Variants in RAB9A observed in about 807,000 individuals in gnomAD.
The protein encoded by RAB9A is ras-related protein Rab-9A.
Under a neutral mutation model 10.3 loss-of-function variants are expected in RAB9A, and 1 was observed. That is an observed-to-expected ratio of 0.10 (90% confidence interval 0.03 to 0.46). The LOEUF (loss-of-function observed/expected upper bound fraction) is 0.46. RAB9A is among the 20% of genes least tolerant of loss of function. The pLI is 0.96. For missense variants in RAB9A, 92 were observed against 150.3 expected (o/e 0.61, Z 2.03); for synonymous variants, 39 against 55.2 (o/e 0.71, Z 1.30).
intron 1 of RAB9A, among the ~76,000 whole-genome samples, chrX:13,695,234 A>G (rs754524718): frequency 9.0e-6 from 1 of 111,496 alleles, no homozygotes; most frequent in Non-Finnish European, 1.9e-5. Flanking sequence ...CTCCCGGACC[A>G]TTTGCTTTCC....
chrX:13,689,452 G>A (rs2046110043), intron 1 of RAB9A, among the ~76,000 whole-genome samples, 164 bp downstream of exon 1: 1 of 112,133 alleles, frequency 8.9e-6, no homozygotes, highest in South Asian at 3.7e-4. Context: ...TTGTCTCCCT[G>A]CCTCCTCTCT....
intron 1 of RAB9A, among the ~76,000 whole-genome samples, chrX:13,690,067 T>C (rs2046113739): frequency 9.1e-6 from 1 of 110,087 alleles, no homozygotes; most frequent in Admixed American, 9.7e-5. Context: ...ACCACAATCT[T>C]TTCATAGGAT....
chrX:13,709,181 C>T lies in RAB9A; in HGVS notation c.435C>T (p.Asn145=), dbSNP rs201466174. The part of the protein sequence containing the change: ...TEEAQAWCRD[N]GDYPYFETSA... ...AAGCCCAAGCTTGGTGCAGGGACAA[C>T]GGCGACTATCCTTATTTTGAAACAA... The change falls in exon 3 of 3, where the codon AAC becomes AAT. Residue 145 remains asparagine, a synonymous_variant. Coordinates refer to ENST00000464506, the MANE Select transcript of RAB9A (RefSeq NM_004251.5). The T allele has an allele frequency of 4.7e-4, 574 of 1,209,921 alleles. No individual in the cohort carries two copies. The highest frequency in any genetic ancestry group is 6.1e-4 in the Non-Finnish European group (545 of 895,215).
chrX:13,693,319 A>G (rs1326106952), intron 1 of RAB9A, among the ~76,000 whole-genome samples: 2 of 112,561 alleles, frequency 1.8e-5, no homozygotes, highest in African/African-American at 3.2e-5. Context: ...TAAGTAGGCC[A>G]TCAACAGAGA....
chrX:13,708,729 A>G lies in RAB9A; in HGVS notation c.-18A>G. 8.5e-7 allele frequency: 1 copy of G among 1,169,810 alleles called. No individual in the cohort carries two copies. The highest frequency in any genetic ancestry group is 1.8e-5 in the African/African-American group (1 of 55,942). ...GCCTTTTTATTTTACAGGGTTCTTG[A>G]AGCTTTTGAGATTAACAATGGCAGG... On this transcript the variant is annotated 5_prime_UTR_variant, in exon 3 of 3. Coordinates refer to ENST00000464506, the MANE Select transcript of RAB9A (RefSeq NM_004251.5).
chrX:13,702,043 A>G lies in RAB9A; in HGVS notation c.-115-1771A>G, dbSNP rs145030856. Among the ~76,000 whole-genome samples the G allele has an allele frequency of 9.6e-3, 1,066 of 110,962 alleles. 7 individuals carry two copies. Among genetic ancestry groups the G allele is most frequent in the South Asian group, 0.028 (74 of 2,615 alleles). ...GAAGCTATTTCAGAGGGTCCCCATC[A>G]TTCCTAGAGTACAGGCAGAAATCCT... On this transcript the variant is annotated intron_variant, in intron 1 of 2. Transcript: ENST00000464506.
intron 1 of RAB9A, among the ~76,000 whole-genome samples, chrX:13,692,423 G>T (rs1410618262): frequency 3.6e-5 from 4 of 112,470 alleles, no homozygotes; most frequent in African/African-American, 9.7e-5. Context: ...TGATGTGTGT[G>T]TTATAGTTTT....
intron 2 of RAB9A, among the ~76,000 whole-genome samples, chrX:13,704,618 C>CTTTTTTTTT: frequency 1.0e-5 from 1 of 95,772 alleles, no homozygotes; most frequent in Non-Finnish European, 2.1e-5. Context: ...TTCTTTCTTT[C>CTTTTTTTTT]TTTTTTTTTT....
intron 1 of RAB9A, among the ~76,000 whole-genome samples, chrX:13,692,752 T>C (rs1473883395): frequency 1.8e-5 from 2 of 111,958 alleles, no homozygotes; most frequent in Non-Finnish European, 3.8e-5. Context: ...CGCATCTCTT[T>C]TTAGGCATCA....
intron 1 of RAB9A, among the ~76,000 whole-genome samples, chrX:13,698,093 G>A (rs1027864044): frequency 7.2e-5 from 8 of 110,458 alleles, no homozygotes; most frequent in African/African-American, 2.6e-4. Flanking sequence ...GAACATTGTC[G>A]TCATTGCAGA....
rs2046173220 is a variant in RAB9A at position 13,701,434 on chromosome X, GTCTT to G, written c.-115-2374_-115-2371del. Among the ~76,000 whole-genome samples, 4 of 111,632 alleles carry G rather than the reference GTCTT, an allele frequency of 3.6e-5. No homozygotes were observed. The South Asian group carries it at 1.1e-3, about 31-fold the overall frequency. On this transcript the variant is annotated intron_variant, in intron 1 of 2. Coordinates refer to ENST00000464506, the MANE Select transcript of RAB9A (RefSeq NM_004251.5). ...ATCCATTCATTAATTGATGGACATT[GTCTT>G]TCTTTTTAGGGGAAGGTGGTTTGAT...
At chrX:13,691,659 C>CAAAAA (rs765886332) in intron 1 of RAB9A, among the ~76,000 whole-genome samples, 12 of 15,924 alleles carry the variant, frequency 7.5e-4, no homozygotes, top group African/African-American at 1.6e-3. Flanking sequence ...GACTCCATCT[C>CAAAAA]AAAAAAAAAA....
chrX:13,692,744 C>T (rs1268199303), intron 1 of RAB9A, among the ~76,000 whole-genome samples: 4 of 111,895 alleles, frequency 3.6e-5, no homozygotes, highest in African/African-American at 6.5e-5. Flanking sequence ...AAAAGGATCG[C>T]ATCTCTTTTT....
At chrX:13,695,070 G>T (rs936818336) in intron 1 of RAB9A, among the ~76,000 whole-genome samples, 17 of 111,910 alleles carry the variant, frequency 1.5e-4, no homozygotes, top group African/African-American at 5.2e-4. Flanking sequence ...GCCTTTCAGG[G>T]ACCCCTCGAG....
Position 13,710,180 on chromosome X carries a change from T to C in RAB9A, c.*828T>C, listed in dbSNP as rs2046215524. ...TAATTACAATGTACTGTGTGGAAGA[T>C]ACAAAATTACAATTCGATTAATGGA... On this transcript the variant is annotated 3_prime_UTR_variant, in exon 3 of 3. Coordinates refer to ENST00000464506, the MANE Select transcript of RAB9A (RefSeq NM_004251.5). 8.0e-6 allele frequency: 1 copy of C among 125,448 alleles called. No individual in the cohort carries two copies. 10.3% of individuals were successfully genotyped at this position (125,448 alleles called of 1,213,427 possible). A position where few individuals can be genotyped will look rare whatever the true frequency, so the allele number is the denominator to read the frequency against.
At chrX:13,704,393 TAGTATTC>T (rs1175933296) in intron 2 of RAB9A, among the ~76,000 whole-genome samples, 2 of 111,650 alleles carry the variant, frequency 1.8e-5, no homozygotes, top group Non-Finnish European at 3.8e-5. Flanking sequence ...AGGTCATGGA[TAGTATTC>T]AGGTTTTTAA....
chrX:13,707,281 A>C (rs2046202214), intron 2 of RAB9A, among the ~76,000 whole-genome samples: 1 of 111,774 alleles, frequency 8.9e-6, no homozygotes, highest in Non-Finnish European at 1.9e-5. Flanking sequence ...ATACTTAAAA[A>C]CCATTTAATA....
rs1490169848 is a variant in RAB9A, at chrX:13,710,085, T to A, written c.*733T>A. ...TGGAAAGCCTTTCCATAGATAGAGT[T>A]CAGTTTTAAGAAAAAGGCTAACTAC... On this transcript the variant is annotated 3_prime_UTR_variant, in exon 3 of 3. Transcript: ENST00000464506. 9 of 123,967 alleles carry A rather than the reference T, an allele frequency of 7.3e-5. No homozygotes were observed. The Admixed American group carries it at 7.5e-4, about 10-fold the overall frequency. 10.2% of individuals were successfully genotyped at this position (123,967 alleles called of 1,213,427 possible).
At chrX:13,696,463 A>C (rs1232277003) in intron 1 of RAB9A, among the ~76,000 whole-genome samples, 1 of 111,434 alleles carries the variant, frequency 9.0e-6, no homozygotes, top group Non-Finnish European at 1.9e-5. Context: ...CCAAGATTTT[A>C]GTTCATGCAC....
Sources: gnomAD v4.1 joint callset for allele counts (sites outside exome capture counted in the v4.1 genomes callset) on GRCh38, gnomAD v4.1.1 for gene constraint, MANE v1.5 for transcripts, NCBI Gene and HGNC (gene_info 2026-07-23, HGNC 2026-07-21) for gene names.